CREB1: variants seen among roughly 807,000 people sequenced by gnomAD.
The protein encoded by CREB1 is cyclic AMP-responsive element-binding protein 1.
CREB1 carries 2 observed loss-of-function variants against 42.0 expected under a neutral mutation model. The ratio of observed to expected loss-of-function variants is 0.05; its 90% CI spans 0.02 to 0.15. The LOEUF is 0.15. Ranked by LOEUF, CREB1 falls within the 10% of genes least tolerant of loss-of-function variation. The pLI is 1.00. For synonymous variants in CREB1, 123 were observed against 139.9 expected, an observed-to-expected ratio of 0.88 and a Z score of 0.85; for missense variants, 199 against 388.9, an observed-to-expected ratio of 0.51 and a Z score of 4.11.
At chr2:207,540,660 T>C (rs1465939591) in intron 1 of CREB1, among the ~76,000 whole-genome samples, 1 of 37,746 alleles carries the variant, frequency 2.6e-5, no homozygotes, top group Non-Finnish European at 6.2e-5. Context: ...AACAAAAAAG[T>C]TTAAAAAGTA....
intron 5 of CREB1, among the ~76,000 whole-genome samples, 165 bp from the exon 6 acceptor site, chr2:207,575,107 G>A (rs938415149): frequency 1.3e-5 from 2 of 152,066 alleles, no homozygotes; most frequent in Non-Finnish European, 2.9e-5. Flanking sequence ...GTTGAATATG[G>A]GTTTCCTGAG....
At chr2:207,565,943 G>C (rs185418205) in intron 3 of CREB1, among the ~76,000 whole-genome samples, 127 of 152,250 alleles carry the variant, frequency 8.3e-4, no homozygotes, top group African/African-American at 2.6e-3. Context: ...ACTGATTAAC[G>C]TGAAACTTTT....
chr2:207,605,826 G>C lies in CREB1; in HGVS notation c.*8768G>C, dbSNP rs974079167. Among the ~76,000 whole-genome samples, 1 of 152,184 alleles carries C rather than the reference G, an allele frequency of 6.6e-6. No homozygotes were observed. Among genetic ancestry groups the C allele is most frequent in the Admixed American group, 6.5e-5 (1 of 15,278 alleles). On this transcript the variant is annotated 3_prime_UTR_variant, in exon 8 of 8. Coordinates refer to ENST00000353267, the MANE Select transcript of CREB1 (RefSeq NM_004379.5). ...ATCTCCAGGATACTGAGAAGTAAAA[G>C]TTATTTCTGAATTATGGTTTTCTTC... is the stretch of plus-strand genomic sequence containing the variant.
At chr2:207,593,117 C>T (rs1430089199) in intron 7 of CREB1, among the ~76,000 whole-genome samples, 1 of 152,170 alleles carries the variant, frequency 6.6e-6, no homozygotes, top group African/African-American at 2.4e-5. Flanking sequence ...TTCTTTATCT[C>T]CATTTCCATT....
chr2:207,543,031 A>G (rs1486494933), intron 1 of CREB1, among the ~76,000 whole-genome samples: 1 of 152,196 alleles, frequency 6.6e-6, no homozygotes, highest in Admixed American at 6.5e-5. Context: ...AAATCCACGG[A>G]TGCTTGAGTC....
intron 2 of CREB1, chr2:207,559,290 T>C: frequency 1.8e-5 from 18 of 980,546 alleles, no homozygotes; most frequent in Non-Finnish European, 2.2e-5. Flanking sequence ...TTTTTTCTTT[T>C]GTTTTAAATT....
intron 5 of CREB1, among the ~76,000 whole-genome samples, chr2:207,570,922 GTCT>G (rs1477457159): frequency 7.3e-5 from 11 of 149,958 alleles, no homozygotes; most frequent in Admixed American, 1.3e-4. Context: ...ACTTAGGTCT[GTCT>G]TCTTATCTTT....
At chr2:207,549,814 C>T (rs754204399) in intron 1 of CREB1, among the ~76,000 whole-genome samples, 2 of 152,022 alleles carry the variant, frequency 1.3e-5, no homozygotes, top group Non-Finnish European at 2.9e-5. Flanking sequence ...AACCCCATCT[C>T]TACTAAAAAT....
intron 1 of CREB1, among the ~76,000 whole-genome samples, chr2:207,536,109 G>A (rs764627143): frequency 2.0e-4 from 30 of 152,224 alleles, no homozygotes; most frequent in Non-Finnish European, 3.5e-4. Flanking sequence ...CACCATGCCC[G>A]AATGCTGTAG....
intron 7 of CREB1, among the ~76,000 whole-genome samples, chr2:207,584,139 A>G (rs572651744): frequency 1.3e-4 from 20 of 152,368 alleles, no homozygotes; most frequent in African/African-American, 3.8e-4. Context: ...AGGTTTTTAT[A>G]TGAACTTTCC....
intron 1 of CREB1, among the ~76,000 whole-genome samples, chr2:207,530,510 C>G (rs1048459708): frequency 2.8e-5 from 4 of 144,270 alleles, no homozygotes; most frequent in Non-Finnish European, 6.2e-5. Flanking sequence ...GGCGCGGAGC[C>G]GGGAACCCGG....
At chr2:207,536,740 G>T (rs1224299993) in intron 1 of CREB1, among the ~76,000 whole-genome samples, 1 of 150,594 alleles carries the variant, frequency 6.6e-6, no homozygotes, top group Non-Finnish European at 1.5e-5. Context: ...CTGTAATCCC[G>T]GCACTTTGGG....
rs1432404152 is a variant in CREB1 at position 207,604,032 on chromosome 2, A to C, written c.*6974A>C. On this transcript the variant is annotated 3_prime_UTR_variant, in exon 8 of 8. Coordinates refer to ENST00000353267, the MANE Select transcript of CREB1 (RefSeq NM_004379.5). ...ATTTATTTTCTGCAACAACGATTAC[A>C]GAATTTATTGCACAAAATGAGACAT... 6.6e-6 allele frequency among the ~76,000 whole-genome samples: 1 copy of C among 152,222 alleles called. No individual in the cohort carries two copies. The highest frequency in any genetic ancestry group is 1.5e-5 in the Non-Finnish European group (1 of 68,048).
At chr2:207,567,612 A>G (rs774548119) in intron 4 of CREB1, 49 bp downstream of exon 4, 2 of 1,334,236 alleles carry the variant, frequency 1.5e-6, no homozygotes, top group Non-Finnish European at 2.1e-6. Context: ...AGTCTTAGGT[A>G]GTTGCAGATA....
chr2:207,535,871 G>C (rs1229441816), intron 1 of CREB1, among the ~76,000 whole-genome samples: 2 of 151,224 alleles, frequency 1.3e-5, no homozygotes, highest in Non-Finnish European at 2.9e-5. Flanking sequence ...ACCCAGGCTG[G>C]AGTGCAGTGG....
At chr2:207,569,581 A>AT in intron 4 of CREB1, among the ~76,000 whole-genome samples, 1 of 151,740 alleles carries the variant, frequency 6.6e-6, no homozygotes, top group Admixed American at 6.6e-5. Context: ...GATGCAAAAG[A>AT]TTTTTTTTAA....
intron 7 of CREB1, among the ~76,000 whole-genome samples, chr2:207,584,535 G>C (rs1031102111): frequency 1.1e-4 from 16 of 152,080 alleles, no homozygotes; most frequent in Non-Finnish European, 2.2e-4. Context: ...TCCCTGAGTA[G>C]TCAGGATTAC....
intron 6 of CREB1, chr2:207,576,591 T>C: frequency 1.2e-6 from 1 of 827,030 alleles, no homozygotes; most frequent in Non-Finnish European, 1.8e-6. Flanking sequence ...ACTATTTTGC[T>C]TATTGATGAG....
At position 207,559,275 on chromosome 2, in the gene CREB1, C is replaced by A. The variant is rs182876322; in HGVS notation, c.115-951C>A. On this transcript the variant is annotated intron_variant, in intron 2 of 7. Coordinates refer to ENST00000353267, the MANE Select transcript of CREB1 (RefSeq NM_004379.5). ...TTCCCTGTAAGTAATAATAACAAGT[C>A]TAACTTTTTTCTTTTGTTTTAAATT... 180 of 978,604 alleles carry A rather than the reference C, an allele frequency of 1.8e-4. 1 individual carries two copies. The highest frequency in any genetic ancestry group is 1.4e-4 in the Non-Finnish European group (118 of 823,636). The allele number at this position is 978,604 out of a possible 1,614,324, so 60.6% of individuals were successfully genotyped here.
Sources: gnomAD v4.1 joint callset for allele counts (sites outside exome capture counted in the v4.1 genomes callset) on GRCh38, gnomAD v4.1.1 for gene constraint, MANE v1.5 for transcripts, NCBI Gene and HGNC (gene_info 2026-07-23, HGNC 2026-07-21) for gene names.